The following SPTAN1 variants were observed in gnomAD, a reference collection of about 807,000 sequenced individuals.
The protein encoded by SPTAN1 is spectrin alpha, non-erythrocytic 1.
SPTAN1 carries 61 observed loss-of-function variants against 331.3 expected under a neutral mutation model. The observed-to-expected ratio is 0.18, with a 90% CI of 0.15 to 0.23. SPTAN1 has a LOEUF of 0.23. Ranked by LOEUF, SPTAN1 falls within the 10% of genes least tolerant of loss-of-function variation. SPTAN1 has a pLI of 1.00. For missense variants in SPTAN1, 2,043 were observed against 3,147.9 expected (o/e 0.65, Z 8.40); for synonymous variants, 1,153 against 1,173.9 (o/e 0.98, Z 0.36).
Position 128,627,545 on chromosome 9 carries a change from C to A in SPTAN1, c.6689+47C>A, listed in dbSNP as rs1324229405. On this transcript the variant is annotated intron_variant, in intron 50 of 56. Coordinates refer to ENST00000372739, the MANE Select transcript of SPTAN1 (RefSeq NM_001130438.3). This position sits in a 1 kb window ranked among gnomAD's most constrained non-coding sequence, Gnocchi z 4.9. Reference sequence around the variant, plus strand: ...GGAGCAGCAGCATGTCCCTGCTGTACTTAAGCCCTGGGGAGCTTCCAGCCC... The same window carrying A: ...GGAGCAGCAGCATGTCCCTGCTGTAATTAAGCCCTGGGGAGCTTCCAGCCC... The A allele has an allele frequency of 6.7e-7, 1 of 1,503,448 alleles. No homozygotes were observed. The highest frequency in any genetic ancestry group is 9.1e-7 in the Non-Finnish European group (1 of 1,103,822). 93.1% of individuals were successfully genotyped at this position (1,503,448 alleles called of 1,614,324 possible).
chr9:128,632,871 C>T lies in SPTAN1; in HGVS notation c.7224C>T (p.Val2408=), dbSNP rs771262997. 4 of 1,613,952 alleles carry T rather than the reference C, an allele frequency of 2.5e-6. No individual in the cohort carries two copies. The highest frequency in any genetic ancestry group is 2.7e-5 in the African/African-American group (2 of 74,936). The change falls in exon 56 of 57, where the codon GTC becomes GTT. Residue 2408 remains valine, a synonymous_variant. Coordinates refer to ENST00000372739, the MANE Select transcript of SPTAN1 (RefSeq NM_001130438.3). ...TGATCAGCCGCGAAACTGAGAACGT[C>T]AAGTCCAGCGAGGAGATTGAGAGCG... ...AFMISRETEN[V]KSSEEIESAF... is the part of the protein sequence containing the mutation.
intron 1 of SPTAN1, among the ~76,000 whole-genome samples, chr9:128,561,157 C>T (rs1018807466): frequency 4.0e-5 from 6 of 150,582 alleles, no homozygotes; most frequent in Non-Finnish European, 8.9e-5. Flanking sequence ...ACCACAAGGT[C>T]GAGATCAAGA....
At chr9:128,554,269 T>C (rs969547015) in intron 1 of SPTAN1, among the ~76,000 whole-genome samples, 2 of 152,150 alleles carry the variant, frequency 1.3e-5, no homozygotes, top group Admixed American at 6.5e-5. Flanking sequence ...TGTGAAGCAG[T>C]TCTTATGGCA....
intron 36 of SPTAN1, 161 bp downstream of exon 36, chr9:128,609,445 A>G: frequency 8.3e-7 from 1 of 1,210,024 alleles, no homozygotes; most frequent in East Asian, 2.5e-5. Flanking sequence ...GTCAAGTTTC[A>G]GAGCCATTTA....
Position 128,575,324 on chromosome 9 carries a change from G to C in SPTAN1, c.630G>C (p.Gln210His). Reference protein sequence around the residue: ...AHEERVNEVNQFAAKLIQEQH... With the variant: ...AHEERVNEVNHFAAKLIQEQH... ...AAGAAAGAGTTAATGAAGTGAACCA[G>C]TTTGCTGCCAAACTCATACAGGTAA... is the stretch of plus-strand genomic sequence containing the variant. Residue 210 changes from glutamine (Q) to histidine (H), a missense_variant, in exon 5 of 57, where the codon CAG becomes CAC. Physicochemically the swap from Gln to His is conservative, Grantham distance 24 (BLOSUM62 0). Coordinates refer to ENST00000372739, the MANE Select transcript of SPTAN1 (RefSeq NM_001130438.3). 6.2e-7 allele frequency: 1 copy of C among 1,612,998 alleles called. No individual in the cohort carries two copies. Among genetic ancestry groups the C allele is most frequent in the Non-Finnish European group, 8.5e-7 (1 of 1,180,024 alleles).
At chr9:128,587,382 G>C (rs1054626131) in intron 19 of SPTAN1, among the ~76,000 whole-genome samples, 1 of 152,236 alleles carries the variant, frequency 6.6e-6, no homozygotes. Context: ...TCTGTGCCTA[G>C]ACCAGGATGA....
At position 128,626,918 on chromosome 9, in the gene SPTAN1, G is replaced by A. The variant is rs948033702; in HGVS notation, c.6576+231G>A. The A allele has an allele frequency of 3.8e-5, 24 of 626,680 alleles. 1 individual carries two copies. The Admixed American group carries it at 3.9e-4, about 10-fold the overall frequency. 38.8% of individuals were successfully genotyped at this position (626,680 alleles called of 1,614,324 possible). A position where few individuals can be genotyped will look rare whatever the true frequency, so the allele number is the denominator to read the frequency against. ...TAGCCTCAACCTCCCAGGCTCAGGT[G>A]ATCCTCTTGCCTGAGCCTCTTGAAT... On this transcript the variant is annotated intron_variant, in intron 49 of 56. Transcript: ENST00000372739.
chr9:128,618,017 G>T lies in SPTAN1; in HGVS notation c.5509G>T (p.Asp1837Tyr), dbSNP rs747206756. The change falls in exon 43 of 57, where the codon GAT becomes TAT. Residue 1837 changes from aspartate to tyrosine, a missense_variant. Asp to Tyr is a radical substitution (Grantham distance 160). Transcript: ENST00000372739. ...CCTGGACACTGGCAAGAAGCTGTCC[G>T]ATGACAACACCATCGGGAAAGAGGA... Reference protein sequence around the residue: ...GVLDTGKKLSDDNTIGKEEIQ... With the variant: ...GVLDTGKKLSYDNTIGKEEIQ... 1 of 1,614,010 alleles carries T rather than the reference G, an allele frequency of 6.2e-7. No individual in the cohort carries two copies. The highest frequency in any genetic ancestry group is 8.5e-7 in the Non-Finnish European group (1 of 1,180,016).
In SPTAN1 at chr9:128,625,846, C is replaced by T. The variant is rs778917848; in HGVS notation, c.6147C>T (p.Leu2049=). The change falls in exon 48 of 57, where the codon CTC becomes CTT. Residue 2049 remains leucine, a synonymous_variant. Coordinates refer to ENST00000372739, the MANE Select transcript of SPTAN1 (RefSeq NM_001130438.3). The surrounding 1 kb of genome is among the most constrained non-coding windows in gnomAD (Gnocchi z 4.1). ...TCACTGCCCTCAAAGATCAGCTTCT[C>T]GCCGCCAAACACGTTCAGTCCAAGG... is the stretch of plus-strand genomic sequence containing the variant. ...ANITALKDQL[L]AAKHVQSKAI... The T allele has an allele frequency of 1.9e-5, 30 of 1,614,052 alleles. No individual in the cohort carries two copies. Among genetic ancestry groups the T allele is most frequent in the Admixed American group, 3.3e-5 (2 of 60,008 alleles).
chr9:128,626,351 G>A lies in SPTAN1; in HGVS notation c.6280-40G>A, dbSNP rs1858743090. The A allele has an allele frequency of 3.1e-6, 5 of 1,609,706 alleles. No individual in the cohort carries two copies. In the South Asian group the frequency reaches 4.4e-5, roughly 14 times the overall value. ...CTCCTGCACTGCGTCGGCACGTCCA[G>A]CCCTGGCGACTCCGCCAACTCAGTC... On this transcript the variant is annotated intron_variant, in intron 48 of 56. Transcript: ENST00000372739.
chr9:128,611,599 A>G (rs760127971), intron 37 of SPTAN1, 115 bp from the exon 38 acceptor site: 59 of 1,253,440 alleles, frequency 4.7e-5, no homozygotes, highest in Non-Finnish European at 6.1e-5. Context: ...AAACGTTGGC[A>G]TTTACCCCAG....
rs1239717990 is a variant in SPTAN1 at position 128,626,657 on chromosome 9, G to T, written c.6546G>T (p.Glu2182Asp). Residue 2182 changes from glutamate to aspartate, a missense_variant, in exon 49 of 57, where the codon GAG becomes GAT. Physicochemically the swap from Glu to Asp is conservative, Grantham distance 45 (BLOSUM62 2). Around this residue, in one of 12 missense-constraint regions of SPTAN1, gnomAD observed 256 missense variants for 376.4 expected, o/e 0.68. Coordinates refer to ENST00000372739, the MANE Select transcript of SPTAN1 (RefSeq NM_001130438.3). ...YTWFTMEALE[E>D]TWRNLQKIIK... ...GGTTTACCATGGAGGCCCTGGAGGA[G>T]ACCTGGAGGAACCTACAGAAAATCA... 4 of 1,612,606 alleles carry T rather than the reference G, an allele frequency of 2.5e-6. No individual in the cohort carries two copies. Among genetic ancestry groups the T allele is most frequent in the Non-Finnish European group, 3.4e-6 (4 of 1,179,570 alleles).
At position 128,606,383 on chromosome 9, in the gene SPTAN1, A is replaced by AAAAAAAC. The variant is rs1345139332; in HGVS notation, c.4046+912_4046+913insCAAAAAA. Among the ~76,000 whole-genome samples the AAAAAAAC allele has an allele frequency of 2.0e-5, 3 of 150,684 alleles. 1 individual carries two copies. The East Asian group carries it at 5.8e-4, about 29-fold the overall frequency. On this transcript the variant is annotated intron_variant, in intron 31 of 56. Coordinates refer to ENST00000372739, the MANE Select transcript of SPTAN1 (RefSeq NM_001130438.3). ...GAGCAAGACTCTGCCTCAAAAAAAA[A>AAAAAAAC]AAAAAAAAACAAGTCTCTACTTTCC... is the stretch of plus-strand genomic sequence containing the variant.
intron 51 of SPTAN1, chr9:128,628,363 C>T (rs1226166055): frequency 1.6e-5 from 6 of 372,678 alleles, no homozygotes; most frequent in Non-Finnish European, 3.1e-5. Flanking sequence ...GCTGGGGGCT[C>T]AGGCAGGGTA....
At chr9:128,611,237 A>G (rs950551229) in intron 37 of SPTAN1, among the ~76,000 whole-genome samples, 3 of 152,320 alleles carry the variant, frequency 2.0e-5, no homozygotes, top group African/African-American at 4.8e-5. Flanking sequence ...TGGGAGGCCA[A>G]TGTGGCTCGA....
chr9:128,593,769 C>T (rs1853850386), intron 23 of SPTAN1: 1 of 251,144 alleles, frequency 4.0e-6, no homozygotes, highest in Non-Finnish European at 7.9e-6. Flanking sequence ...GGGGGCTCTT[C>T]AGAGAATTAT....
chr9:128,601,123 A>G (rs1458419713), intron 27 of SPTAN1, among the ~76,000 whole-genome samples: 3 of 151,460 alleles, frequency 2.0e-5, no homozygotes, highest in Non-Finnish European at 4.4e-5. Context: ...AGCTGGGGTT[A>G]CAGGCATGCA....
At chr9:128,632,023 TCAGGC>T in intron 52 of SPTAN1, 99 bp from the exon 53 acceptor site, 1 of 1,271,414 alleles carries the variant, frequency 7.9e-7, no homozygotes, top group South Asian at 1.3e-5. Context: ...TTACGAGGTC[TCAGGC>T]CAGGCCTGGA....
intron 51 of SPTAN1, chr9:128,628,330 G>A: frequency 2.6e-6 from 1 of 387,514 alleles, no homozygotes; most frequent in Non-Finnish European, 5.0e-6. Context: ...ACAGTGGTCA[G>A]TGGGCATGAA....
Sources: allele counts gnomAD v4.1 joint callset (sites outside exome capture counted in the v4.1 genomes callset), GRCh38; gene constraint gnomAD v4.1.1; regional missense constraint gnomAD v4.1.1; non-coding constraint Gnocchi (gnomAD v3.1); transcripts MANE v1.5; gene names NCBI Gene and HGNC (gene_info 2026-07-23, HGNC 2026-07-21).